Variants in INTS10 observed in about 807,000 individuals in gnomAD.
INTS10 encodes chromosome 8 open reading frame 35.
A neutral mutation model predicts 94.4 loss-of-function variants in INTS10; 44 were observed. The ratio of observed to expected loss-of-function variants is 0.47; its 90% CI spans 0.37 to 0.60. The LOEUF is 0.60. INTS10 is among the 20% of genes least tolerant of loss of function. The pLI is 0.00. For synonymous variants in INTS10, 341 were observed against 320.7 expected (o/e 1.06, Z -0.68); for missense variants, 797 against 868.7 (o/e 0.92, Z 1.04).
intron 8 of INTS10, 136 bp downstream of exon 8, chr8:19,825,108 T>C (rs2066690641): frequency 1.5e-6 from 1 of 682,440 alleles, no homozygotes; most frequent in South Asian, 1.9e-5. Flanking sequence ...TAGTTGGCGA[T>C]TTAGTTTTGT....
rs139732173 is a variant in INTS10 at position 19,845,147 on chromosome 8, C to T, written c.1883-557C>T. ...TACATAATTTTTCACTAGAAAAATGCATACATGAATGTCATCGACATATTG... is the reference window on the plus strand; with the variant it reads ...TACATAATTTTTCACTAGAAAAATGTATACATGAATGTCATCGACATATTG... On this transcript the variant is annotated intron_variant, in intron 15 of 16. Transcript: ENST00000397977. Among the ~76,000 whole-genome samples, 431 of 152,260 alleles carry T rather than the reference C, an allele frequency of 2.8e-3. 3 individuals carry two copies. The highest frequency in any genetic ancestry group is 0.01 in the African/African-American group (424 of 41,534).
intron 2 of INTS10, 53 bp from the exon 3 acceptor site, chr8:19,819,520 G>T: frequency 2.2e-6 from 3 of 1,358,446 alleles, no homozygotes; most frequent in Admixed American, 4.4e-5. Flanking sequence ...TTTTTCTTTT[G>T]GATACTGTAT....
chr8:19,832,869 T>C lies in INTS10; in HGVS notation c.1378-300T>C, dbSNP rs1454867346. 2.6e-5 allele frequency among the ~76,000 whole-genome samples: 4 copies of C among 152,286 alleles called. No individual in the cohort carries two copies. The South Asian group carries it at 6.2e-4, about 24-fold the overall frequency. ...TTGTAGTAAAATATTTCTAAAGAAA[T>C]GTTATATCCAAATGTGCTGGATCAC... On this transcript the variant is annotated intron_variant, in intron 11 of 16. Coordinates refer to ENST00000397977, the MANE Select transcript of INTS10 (RefSeq NM_018142.4).
At chr8:19,827,512 T>C (rs1341366768) in intron 9 of INTS10, among the ~76,000 whole-genome samples, 1 of 152,210 alleles carries the variant, frequency 6.6e-6, no homozygotes. Context: ...TTTCTCTGCC[T>C]CGTCCTCTAC....
intron 14 of INTS10, 61 bp from the exon 15 acceptor site, chr8:19,844,015 T>C: frequency 7.5e-7 from 1 of 1,340,772 alleles, no homozygotes; most frequent in South Asian, 1.4e-5. Context: ...ATGTTTGCTG[T>C]ATTTCAGATT....
chr8:19,846,283 A>T lies in INTS10; in HGVS notation c.1976+486A>T, dbSNP rs80279578. On this transcript the variant is annotated intron_variant, in intron 16 of 16. Coordinates refer to ENST00000397977, the MANE Select transcript of INTS10 (RefSeq NM_018142.4). This position sits in a 1 kb window ranked among gnomAD's most constrained non-coding sequence, Gnocchi z 4.2. ...CTAAAAATACAAAAAAAAAAAAAAA[A>T]TTATGTGGGCATGATAGTGGGCACC... is the stretch of plus-strand genomic sequence containing the variant. Among the ~76,000 whole-genome samples, 3 of 151,500 alleles carry T rather than the reference A, an allele frequency of 2.0e-5. No homozygotes were observed. Among genetic ancestry groups the T allele is most frequent in the Admixed American group, 2.0e-4 (3 of 15,210 alleles).
chr8:19,848,072 C>G (rs1182612155), intron 16 of INTS10, among the ~76,000 whole-genome samples: 1 of 152,188 alleles, frequency 6.6e-6, no homozygotes, highest in Non-Finnish European at 1.5e-5. Context: ...ATTACTTATG[C>G]CTAAATTAAC....
Position 19,826,478 on chromosome 8 carries a change from T to C in INTS10, c.1059T>C (p.Asn353=). The C allele has an allele frequency of 1.2e-6, 2 of 1,612,778 alleles. No individual in the cohort carries two copies. The highest frequency in any genetic ancestry group is 1.7e-6 in the Non-Finnish European group (2 of 1,179,606). ...TGGTTCTTCTTGAAGATGTATCGAATGTGTATGGTGATGTAGAAATTGATC... is the reference window on the plus strand; with the variant it reads ...TGGTTCTTCTTGAAGATGTATCGAACGTGTATGGTGATGTAGAAATTGATC... ...VPLVLLEDVS[N]VYGDVEIDRN... Residue 353 remains asparagine (N), a synonymous_variant, in exon 9 of 17, where the codon AAT becomes AAC. Coordinates refer to ENST00000397977, the MANE Select transcript of INTS10 (RefSeq NM_018142.4).
At chr8:19,837,321 C>T (rs1428657137) in intron 13 of INTS10, 161 bp downstream of exon 13, 3 of 587,088 alleles carry the variant, frequency 5.1e-6, no homozygotes, top group Admixed American at 5.9e-5. Flanking sequence ...GAGACCCCAT[C>T]TCTTAAAAAA....
At chr8:19,845,629 G>A (rs1000867102) in intron 15 of INTS10, 75 bp from the exon 16 acceptor site, 2 of 1,019,984 alleles carry the variant, frequency 2.0e-6, no homozygotes, top group African/African-American at 1.6e-5. Context: ...TTACTCAACT[G>A]CCGAGACCCC....
In INTS10 at chr8:19,849,270, T is replaced by C. The variant is rs1042499023; in HGVS notation, c.1977-2379T>C. 6.8e-6 allele frequency: 8 copies of C among 1,184,634 alleles called. No individual in the cohort carries two copies. The highest frequency in any genetic ancestry group is 8.9e-6 in the Non-Finnish European group (8 of 894,968). 73.4% of individuals were successfully genotyped at this position (1,184,634 alleles called of 1,614,324 possible). ...AAGTGGAATCAACGCCCGCTCATAG[T>C]GTGCTGTTTGTCAACATGTTCGCTG... is the stretch of plus-strand genomic sequence containing the variant. On this transcript the variant is annotated intron_variant, in intron 16 of 16. Transcript: ENST00000397977. This position sits in a 1 kb window ranked among gnomAD's most constrained non-coding sequence, Gnocchi z 4.6.
In INTS10 at chr8:19,843,987, G is replaced by C. The variant is rs2068354201; in HGVS notation, c.1720-89G>C. The C allele has an allele frequency of 2.0e-6, 2 of 1,003,280 alleles. No individual in the cohort carries two copies. Among genetic ancestry groups the C allele is most frequent in the Admixed American group, 2.4e-5 (1 of 41,448 alleles). The allele number at this position is 1,003,280 out of a possible 1,614,324, so 62.1% of individuals were successfully genotyped here. ...CGTTTATCACACATTTGCATATACAGCATATTTTTGGAAAGTGATGTTTGC... is the reference window on the plus strand; with the variant it reads ...CGTTTATCACACATTTGCATATACACCATATTTTTGGAAAGTGATGTTTGC... On this transcript the variant is annotated intron_variant, in intron 14 of 16. Coordinates refer to ENST00000397977, the MANE Select transcript of INTS10 (RefSeq NM_018142.4). This position sits in a 1 kb window ranked among gnomAD's most constrained non-coding sequence, Gnocchi z 4.7.
Position 19,826,434 on chromosome 8 carries a change from G to A in INTS10, c.1015G>A (p.Ala339Thr), listed in dbSNP as rs372392219. 6.2e-7 allele frequency: 1 copy of A among 1,610,042 alleles called. No homozygotes were observed. The highest frequency in any genetic ancestry group is 1.3e-5 in the African/African-American group (1 of 74,642). ...IQPSLFQGPNAPSQVPLVLLE... is the reference protein window; with the variant it reads ...IQPSLFQGPNTPSQVPLVLLE... Reference sequence around the variant, plus strand: ...TTTTTCCCCGTCCTTAGGTCCTAATGCCCCGAGCCAAGTTCCACTGGTTCT... The same window carrying A: ...TTTTTCCCCGTCCTTAGGTCCTAATACCCCGAGCCAAGTTCCACTGGTTCT... The change falls in exon 9 of 17, where the codon GCC (alanine) becomes ACC (threonine). Residue 339 changes from alanine to threonine, a missense_variant. Physicochemically the swap from Ala to Thr is moderately conservative, Grantham distance 58. Coordinates refer to ENST00000397977, the MANE Select transcript of INTS10 (RefSeq NM_018142.4).
rs1019062218 is a variant in INTS10 at position 19,846,167 on chromosome 8, A to G, written c.1976+370A>G. Among the ~76,000 whole-genome samples the G allele has an allele frequency of 6.6e-6, 1 of 152,020 alleles. No homozygotes were observed. Among genetic ancestry groups the G allele is most frequent in the Non-Finnish European group, 1.5e-5 (1 of 68,018 alleles). ...CCAGGCATGGTGGCTCACGCCTGTA[A>G]TCTCAACACTTTGGGAGGCCAAGGA... On this transcript the variant is annotated intron_variant, in intron 16 of 16. Coordinates refer to ENST00000397977, the MANE Select transcript of INTS10 (RefSeq NM_018142.4). This position sits in a 1 kb window ranked among gnomAD's most constrained non-coding sequence, Gnocchi z 4.2.
At position 19,824,989 on chromosome 8, in the gene INTS10, T is replaced by TA. The variant is rs1490130451; in HGVS notation, c.1006+18dup. ...TCTTCCAAGGTTGGTTTACAAATTT[T>TA]AGAGTGTCCAAAAAGCCAGTTCATA... On this transcript the variant is annotated intron_variant, in intron 8 of 16. Coordinates refer to ENST00000397977, the MANE Select transcript of INTS10 (RefSeq NM_018142.4). The TA allele has an allele frequency of 1.2e-6, 2 of 1,610,358 alleles. No homozygotes were observed. Among genetic ancestry groups the TA allele is most frequent in the African/African-American group, 2.7e-5 (2 of 74,804 alleles).
In INTS10 at chr8:19,819,820, C is replaced by T. The variant is rs546354446; in HGVS notation, c.301+144C>T. ...AACCAAAGTCTATAATAATGTCACT[C>T]GGTTCCTTGACTTGCTTAGAACCCT... On this transcript the variant is annotated intron_variant, in intron 3 of 16. Transcript: ENST00000397977. 29 of 604,960 alleles carry T rather than the reference C, an allele frequency of 4.8e-5. No individual in the cohort carries two copies. The East Asian group carries it at 4.8e-4, about 10-fold the overall frequency. 37.5% of individuals were successfully genotyped at this position (604,960 alleles called of 1,614,324 possible).
chr8:19,824,319 C>A (rs559244988), intron 7 of INTS10: 2 of 238,244 alleles, frequency 8.4e-6, no homozygotes, highest in Non-Finnish European at 8.0e-6. Flanking sequence ...TGGTGAAACC[C>A]CATCTCTACT....
chr8:19,845,634 G>C, intron 15 of INTS10, 70 bp from the exon 16 acceptor site: 2 of 1,065,898 alleles, frequency 1.9e-6, no homozygotes, highest in Non-Finnish European at 2.9e-6. Flanking sequence ...CAACTGCCGA[G>C]ACCCCATTTC....
At position 19,845,568 on chromosome 8, in the gene INTS10, T is replaced by G. The variant is rs2068507285; in HGVS notation, c.1883-136T>G. 5 of 652,042 alleles carry G rather than the reference T, an allele frequency of 7.7e-6. No homozygotes were observed. The Admixed American group carries it at 1.2e-4, about 16-fold the overall frequency. The allele number at this position is 652,042 out of a possible 1,614,324, so 40.4% of individuals were successfully genotyped here. A position where few individuals can be genotyped will look rare whatever the true frequency, so the allele number is the denominator to read the frequency against. On this transcript the variant is annotated intron_variant, in intron 15 of 16. Coordinates refer to ENST00000397977, the MANE Select transcript of INTS10 (RefSeq NM_018142.4). ...GTTACTCAACTGCCAAGACCCCATT[T>G]CCTTATCAGAGAGAACTGGCACCTT...
Sources: allele counts gnomAD v4.1 joint callset (sites outside exome capture counted in the v4.1 genomes callset), GRCh38; gene constraint gnomAD v4.1.1; non-coding constraint Gnocchi (gnomAD v3.1); transcripts MANE v1.5; gene names NCBI Gene and HGNC (gene_info 2026-07-23, HGNC 2026-07-21).